Variants in ADAMTS3 observed in about 807,000 individuals in gnomAD.
ADAMTS3 encodes ADAM metallopeptidase with thrombospondin type 1 motif 3, also known as A disintegrin and metalloproteinase with thrombospondin motifs 3.
ADAMTS3 carries 73 observed loss-of-function variants against 129.0 expected under a neutral mutation model. That is an observed-to-expected ratio of 0.57 (90% CI 0.47 to 0.69). The LOEUF (loss-of-function observed/expected upper bound fraction) is 0.69. ADAMTS3 is among the 30% of genes least tolerant of loss of function. The pLI is 0.00. For missense variants in ADAMTS3, 1,457 were observed against 1,514.5 expected (o/e 0.96, Z 0.63); for synonymous variants, 477 against 510.8 (o/e 0.93, Z 0.89).
intron 3 of ADAMTS3, among the ~76,000 whole-genome samples, chr4:72,431,797 A>G (rs17724143): frequency 0.044 from 6,731 of 152,050 alleles, 216 homozygotes; most frequent in Non-Finnish European, 0.067. Context: ...TAAAGGGGAA[A>G]TGGGAAGAGG....
At chr4:72,449,848 A>T (rs1399796677) in intron 3 of ADAMTS3, among the ~76,000 whole-genome samples, 2 of 151,472 alleles carry the variant, frequency 1.3e-5, no homozygotes, top group Non-Finnish European at 3.0e-5. Flanking sequence ...GTTTCTCCAC[A>T]TCTGGCACTT....
intron 2 of ADAMTS3, among the ~76,000 whole-genome samples, chr4:72,551,497 G>A (rs1441911870): frequency 6.6e-6 from 1 of 152,072 alleles, no homozygotes; most frequent in Non-Finnish European, 1.5e-5. Context: ...TTTCTTAAAT[G>A]TTTGAATGAG....
chr4:72,411,624 C>T (rs1484297467), intron 4 of ADAMTS3, among the ~76,000 whole-genome samples: 1 of 152,060 alleles, frequency 6.6e-6, no homozygotes, highest in Non-Finnish European at 1.5e-5. Context: ...GCCATTCATA[C>T]TTTGCCTCTG....
chr4:72,283,623 T>C lies in ADAMTS3; in HGVS notation c.3131A>G (p.Lys1044Arg), dbSNP rs754727209. The C allele has an allele frequency of 1.3e-5, 21 of 1,613,888 alleles. No individual in the cohort carries two copies. Among genetic ancestry groups the C allele is most frequent in the Non-Finnish European group, 1.7e-6 (2 of 1,179,946 alleles). The part of the protein sequence containing the change: ...ARYCSIPGYN[K>R]LCCESCSKRS... ...CTTGCTGCAGGACTCACAACATAAC[T>C]TGTTATAACCTGGTATGGAGCAGTA... The change falls in exon 22 of 22, where the codon AAG (lysine) becomes AGG (arginine). Residue 1044 changes from lysine (K) to arginine (R), a missense_variant. Physicochemically the swap from Lys to Arg is conservative, Grantham distance 26 (BLOSUM62 2). Coordinates refer to ENST00000286657, the MANE Select transcript of ADAMTS3 (RefSeq NM_014243.3).
intron 3 of ADAMTS3, among the ~76,000 whole-genome samples, chr4:72,480,704 A>T (rs554977279): frequency 2.6e-5 from 4 of 151,354 alleles, no homozygotes; most frequent in South Asian, 2.1e-4. Context: ...ATAATAATAA[A>T]AAAATAAAAA....
At chr4:72,560,699 G>A (rs757380675) in intron 2 of ADAMTS3, among the ~76,000 whole-genome samples, 22 of 152,134 alleles carry the variant, frequency 1.4e-4, no homozygotes, top group Admixed American at 3.3e-4. Flanking sequence ...GTGGGGTGGA[G>A]GAGAAGAGAG....
intron 3 of ADAMTS3, among the ~76,000 whole-genome samples, chr4:72,494,070 A>G (rs192111643): frequency 4.6e-5 from 7 of 152,230 alleles, no homozygotes; most frequent in Admixed American, 4.6e-4. Flanking sequence ...CGGGTTTATC[A>G]TGTTTGGAGA....
intron 4 of ADAMTS3, among the ~76,000 whole-genome samples, chr4:72,350,899 T>A (rs145089188): frequency 6.6e-6 from 1 of 151,930 alleles, no homozygotes; most frequent in Non-Finnish European, 1.5e-5. Flanking sequence ...CCTCTGCAGA[T>A]CTTTAGAGTT....
chr4:72,399,114 C>T (rs1199747661), intron 4 of ADAMTS3, among the ~76,000 whole-genome samples: 2 of 152,104 alleles, frequency 1.3e-5, no homozygotes. Context: ...ACTTTATTAT[C>T]TAATTAAAAA....
intron 9 of ADAMTS3, among the ~76,000 whole-genome samples, chr4:72,319,010 G>C (rs917526274): frequency 2.6e-5 from 4 of 152,100 alleles, no homozygotes; most frequent in Non-Finnish European, 5.9e-5. Flanking sequence ...ATACTGTAGA[G>C]CACAGCTCGT....
intron 3 of ADAMTS3, among the ~76,000 whole-genome samples, chr4:72,510,819 C>CAAAAAA (rs869030257): frequency 3.1e-5 from 2 of 63,668 alleles, no homozygotes; most frequent in East Asian, 5.1e-4. Context: ...ATCCTTAAGC[C>CAAAAAA]AAAAAAAAAA....
chr4:72,314,867 G>A (rs1234876756), intron 11 of ADAMTS3, among the ~76,000 whole-genome samples: 1 of 152,164 alleles, frequency 6.6e-6, no homozygotes, highest in Non-Finnish European at 1.5e-5. Flanking sequence ...TTTAAAAGAA[G>A]TAAATGCCAT....
chr4:72,401,283 T>C (rs1277568357), intron 4 of ADAMTS3, among the ~76,000 whole-genome samples: 4 of 151,800 alleles, frequency 2.6e-5, no homozygotes, highest in Non-Finnish European at 4.4e-5. Context: ...AAATATGCTA[T>C]GGGCTGGGCA....
chr4:72,503,012 G>T (rs1320286388), intron 3 of ADAMTS3, among the ~76,000 whole-genome samples: 1 of 151,532 alleles, frequency 6.6e-6, no homozygotes, highest in African/African-American at 2.4e-5. Flanking sequence ...TATTTGAAAG[G>T]TTTTTTTTGT....
chr4:72,533,133 A>C (rs970848967), intron 3 of ADAMTS3, among the ~76,000 whole-genome samples: 51 of 152,320 alleles, frequency 3.3e-4, no homozygotes, highest in African/African-American at 1.2e-3. Flanking sequence ...ACACAAACAC[A>C]TTGTACATCT....
intron 3 of ADAMTS3, among the ~76,000 whole-genome samples, chr4:72,529,293 C>T (rs1560552686): frequency 1.3e-5 from 2 of 151,998 alleles, no homozygotes; most frequent in African/African-American, 2.4e-5. Flanking sequence ...GACAGTGGCT[C>T]TCAAAATGTA....
chr4:72,417,783 A>G (rs997781344), intron 3 of ADAMTS3, among the ~76,000 whole-genome samples: 3 of 151,388 alleles, frequency 2.0e-5, no homozygotes, highest in Admixed American at 1.3e-4. Context: ...ACAAAAAAAA[A>G]TTTGCCAGGC....
chr4:72,374,104 T>A (rs1439755494), intron 4 of ADAMTS3, among the ~76,000 whole-genome samples: 1 of 152,112 alleles, frequency 6.6e-6, no homozygotes, highest in Non-Finnish European at 1.5e-5. Context: ...ATATTGCCTA[T>A]TTCTTCATTT....
Position 72,538,762 on chromosome 4 carries a change from C to G in ADAMTS3, c.504+9716G>C, listed in dbSNP as rs142410895. On this transcript the variant is annotated intron_variant, in intron 3 of 21. Transcript: ENST00000286657. ...GGACTCACACTTCCTGATAACAAAA[C>G]TTACTACAAAGCTACAGTAATCAAA... Among the ~76,000 whole-genome samples the G allele has an allele frequency of 3.5e-3, 534 of 152,170 alleles. 7 individuals carry two copies. Among genetic ancestry groups the G allele is most frequent in the African/African-American group, 0.012 (518 of 41,522 alleles).
Sources: allele counts gnomAD v4.1 joint callset (sites outside exome capture counted in the v4.1 genomes callset), GRCh38; gene constraint gnomAD v4.1.1; transcripts MANE v1.5; gene names NCBI Gene and HGNC (gene_info 2026-07-23, HGNC 2026-07-21).